CHEK2: variants seen among roughly 807,000 people sequenced by gnomAD.
CHEK2 encodes checkpoint kinase 2, also known as serine/threonine-protein kinase Chk2.
A neutral mutation model predicts 69.1 loss-of-function variants in CHEK2; 71 were observed. That is an observed-to-expected ratio of 1.03 (90% CI 0.85 to 1.25). CHEK2 has a LOEUF of 1.25. Among genes scored for constraint, CHEK2 ranks in the 50% most tolerant of loss-of-function variants. The pLI is 0.00. For missense variants in CHEK2, 664 were observed against 649.6 expected (o/e 1.02, Z -0.24); for synonymous variants, 189 against 226.9 (o/e 0.83, Z 1.50).
intron 1 of CHEK2, among the ~76,000 whole-genome samples, chr22:28,739,517 T>A (rs1414509494): frequency 6.6e-6 from 1 of 151,318 alleles, no homozygotes; most frequent in Admixed American, 6.6e-5. Context: ...TGGTGAAACC[T>A]GTCTCCACTA....
chr22:28,699,930 C>G lies in CHEK2; in HGVS notation c.916G>C (p.Gly306Arg), dbSNP rs587783051. 2 of 1,613,272 alleles carry G rather than the reference C, an allele frequency of 1.2e-6. No homozygotes were observed. Among genetic ancestry groups the G allele is most frequent in the South Asian group, 1.1e-5 (1 of 90,978 alleles). The change falls in exon 9 of 15, where the codon GGG becomes CGG. Residue 306 changes from glycine (G) to arginine (R), a missense_variant. Gly to Arg is a moderately radical substitution (Grantham distance 125). Transcript: ENST00000404276. The part of the protein sequence containing the change: ...DYYIVLELME[G>R]GELFDKVVGN... ...ACCACTTTGTCAAACAGCTCTCCCC[C>G]TTCCATCCTGAAACACAAAGGCAAG...
intron 5 of CHEK2, among the ~76,000 whole-genome samples, chr22:28,718,038 G>A (rs1432069133): frequency 1.3e-5 from 2 of 152,108 alleles, no homozygotes; most frequent in African/African-American, 4.8e-5. Flanking sequence ...CCAAGATCAC[G>A]CCACTGCACC....
At chr22:28,733,868 G>A (rs748059721) in intron 2 of CHEK2, among the ~76,000 whole-genome samples, 6 of 150,120 alleles carry the variant, frequency 4.0e-5, no homozygotes, top group Non-Finnish European at 5.9e-5. Flanking sequence ...GCAGTGAGCC[G>A]AGCCGAGATG....
intron 5 of CHEK2, among the ~76,000 whole-genome samples, chr22:28,716,199 C>CTT (rs202194670): frequency 8.8e-5 from 12 of 136,158 alleles, no homozygotes; most frequent in East Asian, 4.2e-4. Context: ...TCTTTTTTCT[C>CTT]TTTTTTTTTT....
At position 28,725,066 on chromosome 22, in the gene CHEK2, G is replaced by T. The variant is rs730881684; in HGVS notation, c.503C>A (p.Thr168Asn). ...AYIEDHSGNG[T>N]FVNTELVGKG... Reference sequence around the variant, plus strand: ...CCCTACAAGCTCTGTATTTACAAAGGTTCCATTGCCACTGTGATCTTCTAT... The same window carrying T: ...CCCTACAAGCTCTGTATTTACAAAGTTTCCATTGCCACTGTGATCTTCTAT... Residue 168 changes from threonine (T) to asparagine (N), a missense_variant, in exon 4 of 15, where the codon ACC becomes AAC. By Grantham distance (65) the Thr-to-Asn change is moderately conservative. Coordinates refer to ENST00000404276, the MANE Select transcript of CHEK2 (RefSeq NM_007194.4). 1 of 1,614,044 alleles carries T rather than the reference G, an allele frequency of 6.2e-7. No homozygotes were observed. The highest frequency in any genetic ancestry group is 8.5e-7 in the Non-Finnish European group (1 of 1,179,972).
intron 7 of CHEK2, among the ~76,000 whole-genome samples, chr22:28,709,607 AT>A (rs1360919501): frequency 8.6e-5 from 13 of 152,034 alleles, no homozygotes; most frequent in Non-Finnish European, 1.6e-4. Context: ...AGCTTTATTT[AT>A]TCTTTTAATT....
intron 10 of CHEK2, among the ~76,000 whole-genome samples, chr22:28,696,433 G>A (rs1013411099): frequency 5.3e-5 from 8 of 152,190 alleles, no homozygotes; most frequent in African/African-American, 1.9e-4. Context: ...GAGTGCAGTG[G>A]TGCGATCTCA....
chr22:28,704,325 T>C (rs2053025083), intron 7 of CHEK2, among the ~76,000 whole-genome samples: 1 of 152,038 alleles, frequency 6.6e-6, no homozygotes, highest in Non-Finnish European at 1.5e-5. Flanking sequence ...TTTTTTTATT[T>C]TGAGACAGTC....
intron 1 of CHEK2, among the ~76,000 whole-genome samples, chr22:28,741,466 A>G (rs1415178534): frequency 3.3e-5 from 5 of 152,252 alleles, no homozygotes; most frequent in Non-Finnish European, 7.3e-5. Flanking sequence ...GATTGAACCT[A>G]AAGAATGGCA....
chr22:28,699,757 G>T (rs17881114), intron 9 of CHEK2, 81 bp downstream of exon 9: 4 of 978,142 alleles, frequency 4.1e-6, no homozygotes, highest in Non-Finnish European at 3.3e-6. Flanking sequence ...TTAATCCACG[G>T]TCCCTCGATT....
At chr22:28,739,521 T>C (rs905250100) in intron 1 of CHEK2, among the ~76,000 whole-genome samples, 1 of 151,146 alleles carries the variant, frequency 6.6e-6, no homozygotes, top group African/African-American at 2.4e-5. Flanking sequence ...GAAACCTGTC[T>C]CCACTAAAAA....
chr22:28,708,979 C>CA (rs2053285102), intron 7 of CHEK2: 17 of 364,236 alleles, frequency 4.7e-5, no homozygotes, highest in East Asian at 1.8e-4. Context: ...AAAAAACAAA[C>CA]AAAAAAAATG....
intron 12 of CHEK2, 51 bp from the exon 13 acceptor site, chr22:28,694,168 G>T: frequency 8.3e-7 from 1 of 1,204,750 alleles, no homozygotes; most frequent in Non-Finnish European, 1.2e-6. Context: ...TATATTATCA[G>T]TAAGAGTATG....
At chr22:28,698,800 C>T (rs552655157) in intron 9 of CHEK2, among the ~76,000 whole-genome samples, 2 of 152,214 alleles carry the variant, frequency 1.3e-5, no homozygotes, top group South Asian at 4.1e-4. Context: ...CAGGATGCTG[C>T]ACCTGAAGGG....
At chr22:28,690,933 G>A (rs1479065718) in intron 13 of CHEK2, among the ~76,000 whole-genome samples, 3 of 151,556 alleles carry the variant, frequency 2.0e-5, no homozygotes, top group East Asian at 3.9e-4. Context: ...AGTGGCTCAC[G>A]CCTGTAATCC....
At chr22:28,702,659 G>T (rs531208571) in intron 8 of CHEK2, among the ~76,000 whole-genome samples, 29 of 150,998 alleles carry the variant, frequency 1.9e-4, no homozygotes, top group Non-Finnish European at 3.8e-4. Flanking sequence ...CTATTCTCCT[G>T]CTTCAGCCTC....
At position 28,695,250 on chromosome 22, in the gene CHEK2, T is replaced by C. The variant is rs863224747; in HGVS notation, c.1260-8A>G. 8 of 1,486,622 alleles carry C rather than the reference T, an allele frequency of 5.4e-6. No individual in the cohort carries two copies. The highest frequency in any genetic ancestry group is 1.7e-4 in the Middle Eastern group (1 of 5,830). 92.1% of individuals were successfully genotyped at this position (1,486,622 alleles called of 1,614,324 possible). Reference sequence around the variant, plus strand: ...GGTGGATACCCACTAAGGCTTAATATTGGTAGAGAGAGAAAGGAAAAGAAA... The same window carrying C: ...GGTGGATACCCACTAAGGCTTAATACTGGTAGAGAGAGAAAGGAAAAGAAA... On this transcript the variant is annotated splice_region_variant and splice_polypyrimidine_tract_variant and intron_variant, in intron 11 of 14. Coordinates refer to ENST00000404276, the MANE Select transcript of CHEK2 (RefSeq NM_007194.4).
chr22:28,688,074 A>C, intron 14 of CHEK2, 88 bp from the exon 15 acceptor site: 1 of 1,032,118 alleles, frequency 9.7e-7, no homozygotes, highest in Non-Finnish European at 1.4e-6. Context: ...GCTTCCAGTA[A>C]AGTGGGGGCA....
chr22:28,702,460 G>A (rs529009701), intron 8 of CHEK2, among the ~76,000 whole-genome samples: 19 of 150,590 alleles, frequency 1.3e-4, no homozygotes, highest in South Asian at 2.1e-4. Context: ...GGATGGCCTC[G>A]ATCTCCTGAC....
Sources: gnomAD v4.1 joint callset for allele counts (sites outside exome capture counted in the v4.1 genomes callset) on GRCh38, gnomAD v4.1.1 for gene constraint, MANE v1.5 for transcripts, NCBI Gene and HGNC (gene_info 2026-07-23, HGNC 2026-07-21) for gene names.